The following ARHGAP26 variants were observed in gnomAD, a reference collection of about 807,000 sequenced individuals.
ARHGAP26 encodes rho GTPase-activating protein 26.
A neutral mutation model predicts 104.8 loss-of-function variants in ARHGAP26; 38 were observed. The ratio of observed to expected loss-of-function variants is 0.36; its 90% CI spans 0.28 to 0.48. ARHGAP26 has a LOEUF of 0.48. Ranked by LOEUF, ARHGAP26 falls within the 20% of genes least tolerant of loss-of-function variation. ARHGAP26 has a pLI of 0.99. For missense variants in ARHGAP26, 704 were observed against 947.9 expected, an observed-to-expected ratio of 0.74 and a Z score of 3.38; for synonymous variants, 341 against 340.0, an observed-to-expected ratio of 1.00 and a Z score of -0.03.
chr5:142,852,787 C>T (rs944682672), intron 1 of ARHGAP26, among the ~76,000 whole-genome samples: 7 of 152,210 alleles, frequency 4.6e-5, no homozygotes, highest in Admixed American at 1.3e-4. Context: ...AAGTTGGTGA[C>T]TTACTTACGT....
intron 20 of ARHGAP26, among the ~76,000 whole-genome samples, chr5:143,153,275 G>A (rs1800058878): frequency 1.3e-5 from 2 of 152,202 alleles, no homozygotes; most frequent in Admixed American, 1.3e-4. Flanking sequence ...CTAGGTTTTA[G>A]TTCTGGCATC....
intron 1 of ARHGAP26, chr5:142,771,174 A>C: frequency 7.8e-7 from 1 of 1,289,122 alleles, no homozygotes; most frequent in South Asian, 2.4e-5. Context: ...GCTCTGGGGC[A>C]GCGCGGGTGG....
chr5:143,191,935 G>T (rs191391945), intron 20 of ARHGAP26, among the ~76,000 whole-genome samples: 94 of 148,564 alleles, frequency 6.3e-4, no homozygotes, highest in African/African-American at 2.5e-3. Context: ...ACCGTTTTAT[G>T]ACATCAGATA....
intron 11 of ARHGAP26, among the ~76,000 whole-genome samples, chr5:142,933,349 G>A (rs1764984214): frequency 6.6e-6 from 1 of 151,692 alleles, no homozygotes; most frequent in South Asian, 2.1e-4. Flanking sequence ...AATGAAATAA[G>A]TGCTGTGATT....
intron 12 of ARHGAP26, among the ~76,000 whole-genome samples, chr5:143,027,251 T>C (rs1781190938): frequency 6.6e-6 from 1 of 151,594 alleles, no homozygotes; most frequent in South Asian, 2.1e-4. Context: ...GGCTCACTGC[T>C]ACCTTTACCT....
At chr5:143,100,911 C>A (rs1014298042) in intron 17 of ARHGAP26, among the ~76,000 whole-genome samples, 3 of 152,048 alleles carry the variant, frequency 2.0e-5, no homozygotes, top group African/African-American at 7.2e-5. Context: ...GCCAACATGG[C>A]GAAACCCTGT....
At chr5:142,847,706 G>A (rs1245764239) in intron 1 of ARHGAP26, among the ~76,000 whole-genome samples, 15 of 152,246 alleles carry the variant, frequency 9.9e-5, no homozygotes, top group Non-Finnish European at 2.1e-4. Flanking sequence ...AGAGTGCCAC[G>A]AAGAGGCTCA....
At chr5:143,094,227 A>G (rs1300535910) in intron 17 of ARHGAP26, among the ~76,000 whole-genome samples, 1 of 152,216 alleles carries the variant, frequency 6.6e-6, no homozygotes, top group Non-Finnish European at 1.5e-5. Context: ...CTTTTTCCTT[A>G]GTCCGGACCA....
intron 3 of ARHGAP26, among the ~76,000 whole-genome samples, chr5:142,877,721 T>C (rs1392505637): frequency 2.0e-5 from 3 of 152,226 alleles, no homozygotes; most frequent in African/African-American, 7.2e-5. Context: ...CTGGAATAAC[T>C]TGGGGAGTTT....
intron 20 of ARHGAP26, among the ~76,000 whole-genome samples, chr5:143,158,677 T>C (rs1279272275): frequency 1.3e-5 from 2 of 151,720 alleles, no homozygotes; most frequent in Non-Finnish European, 3.0e-5. Flanking sequence ...AGTGGAGTTC[T>C]CACTAAGACA....
intron 17 of ARHGAP26, among the ~76,000 whole-genome samples, chr5:143,092,656 A>AT (rs1791626249): frequency 6.6e-6 from 1 of 152,202 alleles, no homozygotes; most frequent in Non-Finnish European, 1.5e-5. Flanking sequence ...AGTTAGGATA[A>AT]TACATGTTAC....
At chr5:143,210,423 G>C (rs1393506576) in intron 21 of ARHGAP26, among the ~76,000 whole-genome samples, 2 of 152,104 alleles carry the variant, frequency 1.3e-5, no homozygotes, top group Non-Finnish European at 2.9e-5. Context: ...TACAAGATGA[G>C]ATTCAGGTGG....
At chr5:143,208,543 G>C (rs1808962603) in intron 21 of ARHGAP26, among the ~76,000 whole-genome samples, 1 of 152,178 alleles carries the variant, frequency 6.6e-6, no homozygotes, top group African/African-American at 2.4e-5. Context: ...CCTCGTGTGA[G>C]AATGAGAAGA....
At chr5:143,122,124 A>AT (rs1211256653) in intron 18 of ARHGAP26, among the ~76,000 whole-genome samples, 5 of 151,984 alleles carry the variant, frequency 3.3e-5, no homozygotes, top group South Asian at 4.1e-4. Flanking sequence ...CCAGAATGAG[A>AT]TTTTTTTTAA....
At chr5:143,020,848 G>A (rs1391946584) in intron 12 of ARHGAP26, among the ~76,000 whole-genome samples, 2 of 151,956 alleles carry the variant, frequency 1.3e-5, no homozygotes, top group East Asian at 1.9e-4. Flanking sequence ...CACCGTGTTA[G>A]CCAGGATGGT....
At chr5:142,803,683 A>G (rs1355869400) in intron 1 of ARHGAP26, among the ~76,000 whole-genome samples, 2 of 152,174 alleles carry the variant, frequency 1.3e-5, no homozygotes. Flanking sequence ...TCAGCAGTTC[A>G]CCCTGGAGCA....
intron 19 of ARHGAP26, among the ~76,000 whole-genome samples, chr5:143,144,427 G>A (rs887895608): frequency 1.3e-5 from 2 of 151,962 alleles, no homozygotes; most frequent in African/African-American, 4.8e-5. Context: ...TTTAAAGGAG[G>A]CAGAGTCTTG....
At chr5:143,089,944 A>T (rs1408616660) in intron 17 of ARHGAP26, among the ~76,000 whole-genome samples, 1 of 152,138 alleles carries the variant, frequency 6.6e-6, no homozygotes, top group Non-Finnish European at 1.5e-5. Flanking sequence ...CATAAGTGCC[A>T]CTCCAGTTAT....
chr5:143,163,080 A>G (rs1341906099), intron 20 of ARHGAP26, among the ~76,000 whole-genome samples: 1 of 152,104 alleles, frequency 6.6e-6, no homozygotes. Flanking sequence ...GCACCACTGC[A>G]CTCCAGCCTG....
Sources: allele counts gnomAD v4.1 joint callset (sites outside exome capture counted in the v4.1 genomes callset), GRCh38; gene constraint gnomAD v4.1.1; transcripts MANE v1.5; gene names NCBI Gene and HGNC (gene_info 2026-07-23, HGNC 2026-07-21).